WWOX: variants seen among roughly 807,000 people sequenced by gnomAD.
WWOX encodes the protein WW domain containing oxidoreductase, also known as WW domain-containing oxidoreductase.
Under a neutral mutation model 46.2 loss-of-function variants are expected in WWOX, and 69 were observed. The observed-to-expected ratio is 1.49, with a 90% CI of 1.23 to 1.82. The LOEUF (loss-of-function observed/expected upper bound fraction) is 1.82, where lower values mean the gene tolerates loss of function less well. Among genes scored for constraint, WWOX ranks in the 40% most tolerant of loss-of-function variants. The probability of loss-of-function intolerance (pLI) is 0.00; values close to 1 mark genes in which losing one functional copy is unlikely to be tolerated. For synonymous variants in WWOX, 359 were observed against 202.6 expected, an observed-to-expected ratio of 1.77 and a Z score of -6.56; for missense variants, 919 against 542.6, an observed-to-expected ratio of 1.69 and a Z score of -6.89.
intron 8 of WWOX, among the ~76,000 whole-genome samples, chr16:78,762,331 G>C (rs937560186): frequency 1.3e-5 from 2 of 152,174 alleles, no homozygotes; most frequent in African/African-American, 4.8e-5. Flanking sequence ...TGGAGGTACA[G>C]AATCTCAGGC....
At chr16:79,112,354 C>T (rs144870339) in intron 8 of WWOX, among the ~76,000 whole-genome samples, 1 of 152,140 alleles carries the variant, frequency 6.6e-6, no homozygotes. Context: ...AGGCTCATGA[C>T]AGACCAAAAG....
At chr16:78,906,890 T>G (rs8053244) in intron 8 of WWOX, among the ~76,000 whole-genome samples, 40,592 of 151,968 alleles carry the variant, frequency 0.27, 6,425 homozygotes, top group Non-Finnish European at 0.35. Flanking sequence ...CTCTCATTGT[T>G]GTGTGTGTGT....
chr16:78,560,914 C>G (rs1247438276), intron 8 of WWOX, among the ~76,000 whole-genome samples: 1 of 152,098 alleles, frequency 6.6e-6, no homozygotes, highest in Non-Finnish European at 1.5e-5. Context: ...TAGCAGTTCA[C>G]ATTCACATCT....
chr16:79,034,202 T>G (rs1190138916), intron 8 of WWOX, among the ~76,000 whole-genome samples: 1 of 152,208 alleles, frequency 6.6e-6, no homozygotes, highest in Non-Finnish European at 1.5e-5. Flanking sequence ...AAGGGATATT[T>G]TAAGCATTAA....
intron 8 of WWOX, among the ~76,000 whole-genome samples, chr16:78,736,073 C>G (rs2049084953): frequency 6.6e-6 from 1 of 152,162 alleles, no homozygotes; most frequent in Non-Finnish European, 1.5e-5. Context: ...GCTTCGCTTG[C>G]TTTATCAAGG....
intron 5 of WWOX, among the ~76,000 whole-genome samples, chr16:78,383,417 T>G (rs9930967): frequency 1.1e-3 from 170 of 152,092 alleles, no homozygotes; most frequent in African/African-American, 3.9e-3. Context: ...CAGAAGATCA[T>G]GAGCTAAACC....
At chr16:78,753,172 C>T (rs1370282740) in intron 8 of WWOX, among the ~76,000 whole-genome samples, 4 of 152,018 alleles carry the variant, frequency 2.6e-5, no homozygotes, top group East Asian at 1.9e-4. Flanking sequence ...TGGGGGCAGG[C>T]GCCTGTAATC....
chr16:78,575,385 G>C (rs1457477829), intron 8 of WWOX, among the ~76,000 whole-genome samples: 1 of 151,522 alleles, frequency 6.6e-6, no homozygotes, highest in Non-Finnish European at 1.5e-5. Flanking sequence ...CTATCTCCAG[G>C]TTGTCTGATG....
intron 8 of WWOX, among the ~76,000 whole-genome samples, chr16:78,756,324 C>G (rs113976285): frequency 2.0e-5 from 3 of 150,796 alleles, no homozygotes. Flanking sequence ...TTGAAACAAA[C>G]AAAAAAAAAT....
At chr16:79,181,636 C>T (rs772356864) in intron 8 of WWOX, among the ~76,000 whole-genome samples, 1 of 152,018 alleles carries the variant, frequency 6.6e-6, no homozygotes, top group Non-Finnish European at 1.5e-5. Context: ...TATTACTCAG[C>T]CTTTGGGTGG....
At chr16:79,122,383 C>T (rs1351123582) in intron 8 of WWOX, among the ~76,000 whole-genome samples, 2 of 152,172 alleles carry the variant, frequency 1.3e-5, no homozygotes, top group Admixed American at 6.5e-5. Flanking sequence ...CGCACAAAAT[C>T]CTCCAATATT....
At chr16:79,065,002 A>G (rs1194783042) in intron 8 of WWOX, among the ~76,000 whole-genome samples, 3 of 152,094 alleles carry the variant, frequency 2.0e-5, no homozygotes. Context: ...CGAAGGGTGA[A>G]TGGGTTGCTG....
chr16:79,133,674 C>G (rs923328062), intron 8 of WWOX, among the ~76,000 whole-genome samples: 1 of 152,116 alleles, frequency 6.6e-6, no homozygotes, highest in Non-Finnish European at 1.5e-5. Flanking sequence ...GTGGCCTGCA[C>G]TGGGGAGTTG....
chr16:79,038,447 A>AG (rs1178397045), intron 8 of WWOX, among the ~76,000 whole-genome samples: 21 of 152,338 alleles, frequency 1.4e-4, no homozygotes, highest in Admixed American at 8.5e-4. Context: ...AGACATGCAC[A>AG]GAAAAAAAAG....
In WWOX at chr16:79,211,820, C is replaced by T. The variant is rs548204317; in HGVS notation, c.*24C>T. On this transcript the variant is annotated 3_prime_UTR_variant, in exon 9 of 9. Coordinates refer to ENST00000566780, the MANE Select transcript of WWOX (RefSeq NM_016373.4). ...AAGTGGAGCTCAGAGCGGATGGGCACACACACCCGCCCTGTGTGTGTCCCC... is the reference window on the plus strand; with the variant it reads ...AAGTGGAGCTCAGAGCGGATGGGCATACACACCCGCCCTGTGTGTGTCCCC... 3.1e-6 allele frequency: 5 copies of T among 1,613,442 alleles called. No individual in the cohort carries two copies. The highest frequency in any genetic ancestry group is 1.3e-5 in the African/African-American group (1 of 74,934).
At chr16:78,973,163 G>A (rs2046505086) in intron 8 of WWOX, among the ~76,000 whole-genome samples, 1 of 152,216 alleles carries the variant, frequency 6.6e-6, no homozygotes, top group South Asian at 2.1e-4. Flanking sequence ...TGCCACGTCC[G>A]CCTTTATGAA....
chr16:79,066,366 T>G (rs1033603659), intron 8 of WWOX, among the ~76,000 whole-genome samples: 1 of 152,154 alleles, frequency 6.6e-6, no homozygotes, highest in Non-Finnish European at 1.5e-5. Flanking sequence ...TGGGACATAG[T>G]AGACTCCATC....
At position 78,975,944 on chromosome 16, in the gene WWOX, C is replaced by G. The variant is rs889216059; in HGVS notation, c.1057-235664C>G. On this transcript the variant is annotated intron_variant, in intron 8 of 8. Coordinates refer to ENST00000566780, the MANE Select transcript of WWOX (RefSeq NM_016373.4). The stretch of plus-strand genomic sequence containing the variant: ...ACCCTTTGCCCTGCCACCCTCCATC[C>G]CCTGATACCCTCCTGCCTTTTAGTT... Among the ~76,000 whole-genome samples, 9 of 152,284 alleles carry G rather than the reference C, an allele frequency of 5.9e-5. 1 individual carries two copies. Among genetic ancestry groups the G allele is most frequent in the Middle Eastern group, 6.8e-3 (2 of 294 alleles).
At chr16:78,476,018 C>G (rs1016521723) in intron 8 of WWOX, among the ~76,000 whole-genome samples, 1 of 152,124 alleles carries the variant, frequency 6.6e-6, no homozygotes, top group Non-Finnish European at 1.5e-5. Flanking sequence ...ACCCCAACTC[C>G]TTACTCATGC....
Sources: gnomAD v4.1 joint callset for allele counts (sites outside exome capture counted in the v4.1 genomes callset) on GRCh38, gnomAD v4.1.1 for gene constraint, MANE v1.5 for transcripts, NCBI Gene and HGNC (gene_info 2026-07-23, HGNC 2026-07-21) for gene names.